TMC1: variants seen among roughly 807,000 people sequenced by gnomAD.
TMC1 encodes the protein transmembrane channel like 1.
TMC1 carries 84 observed loss-of-function variants against 105.8 expected under a neutral mutation model. That is an observed-to-expected ratio of 0.79 (90% confidence interval 0.67 to 0.95). TMC1 has a LOEUF of 0.95. TMC1 is among the 40% of genes least tolerant of loss of function. The pLI is 0.00. For synonymous variants in TMC1, 315 were observed against 311.5 expected, an observed-to-expected ratio of 1.01 and a Z score of -0.12; for missense variants, 817 against 914.1, an observed-to-expected ratio of 0.89 and a Z score of 1.37.
intron 2 of TMC1, among the ~76,000 whole-genome samples, chr9:72,595,872 C>CTT (rs59299971): frequency 5.8e-5 from 7 of 120,996 alleles, no homozygotes; most frequent in Admixed American, 8.4e-5. Flanking sequence ...GATGGGGTTT[C>CTT]TTTTTTTTTT....
At chr9:72,558,846 C>A (rs2132077453) in intron 1 of TMC1, among the ~76,000 whole-genome samples, 1 of 152,254 alleles carries the variant, frequency 6.6e-6, no homozygotes, top group South Asian at 2.1e-4. Flanking sequence ...TGGTACTACT[C>A]TGGAAAATTG....
intron 1 of TMC1, among the ~76,000 whole-genome samples, chr9:72,536,699 G>T (rs1000257112): frequency 6.6e-6 from 1 of 152,208 alleles, no homozygotes; most frequent in African/African-American, 2.4e-5. Flanking sequence ...GGGCATAGTA[G>T]TGTGAGGGGT....
At position 72,805,266 on chromosome 9, in the gene TMC1, C is replaced by T. The variant is rs995853135; in HGVS notation, c.1567-116C>T. The T allele has an allele frequency of 1.1e-5, 11 of 1,000,012 alleles. No individual in the cohort carries two copies. The African/African-American group carries it at 1.8e-4, about 16-fold the overall frequency. 61.9% of individuals were successfully genotyped at this position (1,000,012 alleles called of 1,614,324 possible). A position where few individuals can be genotyped will look rare whatever the true frequency, so the allele number is the denominator to read the frequency against. The stretch of plus-strand genomic sequence containing the variant: ...TATGACTAGTTGTTTTCTTCTTTTG[C>T]CATTAATTGCAGTCTTCAAGCCAAT... On this transcript the variant is annotated intron_variant, in intron 17 of 23. Transcript: ENST00000297784.
chr9:72,572,201 ATT>A (rs531142730), intron 1 of TMC1, among the ~76,000 whole-genome samples: 1 of 134,876 alleles, frequency 7.4e-6, no homozygotes. Flanking sequence ...TTATTTTTTG[ATT>A]TTTTTTTTTT....
intron 2 of TMC1, among the ~76,000 whole-genome samples, chr9:72,600,454 C>T (rs1806883998): frequency 6.6e-6 from 1 of 152,158 alleles, no homozygotes; most frequent in Non-Finnish European, 1.5e-5. Flanking sequence ...TGTGGGCTCT[C>T]CCTCTTTTAG....
chr9:72,595,239 G>T (rs965543409), intron 2 of TMC1, among the ~76,000 whole-genome samples: 3 of 152,038 alleles, frequency 2.0e-5, no homozygotes, highest in African/African-American at 7.2e-5. Flanking sequence ...TATTAATTTT[G>T]GTCAGTTACT....
At chr9:72,709,954 T>C (rs764048089) in intron 8 of TMC1, among the ~76,000 whole-genome samples, 5 of 152,194 alleles carry the variant, frequency 3.3e-5, no homozygotes, top group Non-Finnish European at 7.4e-5. Context: ...TTAGGTTGTC[T>C]ATTTGTGCTC....
At chr9:72,816,107 G>C in intron 18 of TMC1, 36 bp from the exon 19 acceptor site, 1 of 1,601,588 alleles carries the variant, frequency 6.2e-7, no homozygotes, top group Non-Finnish European at 8.6e-7. Flanking sequence ...TTGACCATGT[G>C]AGACGCTAAT....
At chr9:72,774,311 A>T (rs1827975404) in intron 13 of TMC1, among the ~76,000 whole-genome samples, 1 of 152,224 alleles carries the variant, frequency 6.6e-6, no homozygotes, top group Admixed American at 6.5e-5. Context: ...GGTACATTTA[A>T]TTTTAATAAT....
intron 2 of TMC1, among the ~76,000 whole-genome samples, chr9:72,588,110 C>G (rs1824582492): frequency 6.6e-6 from 1 of 151,816 alleles, no homozygotes. Flanking sequence ...TTGTCTTGTA[C>G]CCAGAAAGAG....
chr9:72,625,048 T>C (rs1377596832), intron 3 of TMC1, among the ~76,000 whole-genome samples: 2 of 152,224 alleles, frequency 1.3e-5, no homozygotes, highest in African/African-American at 4.8e-5. Flanking sequence ...CTGAAAATTC[T>C]TTGACACTGT....
chr9:72,721,910 C>T (rs184526015), intron 8 of TMC1, among the ~76,000 whole-genome samples: 112 of 152,296 alleles, frequency 7.4e-4, no homozygotes, highest in Middle Eastern at 3.4e-3. Context: ...TCAAACCCTT[C>T]AATGTCTCCC....
At chr9:72,620,713 T>C (rs1825233420) in intron 3 of TMC1, among the ~76,000 whole-genome samples, 1 of 152,200 alleles carries the variant, frequency 6.6e-6, no homozygotes, top group Non-Finnish European at 1.5e-5. Context: ...GATCTGAAGA[T>C]CTGACCAGTG....
intron 3 of TMC1, among the ~76,000 whole-genome samples, chr9:72,625,862 C>T (rs1437809610): frequency 1.3e-5 from 2 of 152,018 alleles, no homozygotes; most frequent in Non-Finnish European, 1.5e-5. Flanking sequence ...TTATCTTGGT[C>T]GCAGAGTAAC....
intron 20 of TMC1, among the ~76,000 whole-genome samples, chr9:72,823,849 G>A (rs532031102): frequency 6.6e-6 from 1 of 152,214 alleles, no homozygotes; most frequent in South Asian, 2.1e-4. Context: ...ATGTGTTTAT[G>A]CTAGAAAACC....
chr9:72,768,612 A>G (rs1030244505), intron 12 of TMC1, among the ~76,000 whole-genome samples: 7 of 152,086 alleles, frequency 4.6e-5, no homozygotes, highest in African/African-American at 7.2e-5. Flanking sequence ...CCCAACTAGA[A>G]AAACAAAACA....
At chr9:72,807,276 G>C (rs1828621282) in intron 18 of TMC1, among the ~76,000 whole-genome samples, 1 of 152,158 alleles carries the variant, frequency 6.6e-6, no homozygotes, top group Non-Finnish European at 1.5e-5. Flanking sequence ...TGGGGAGAGG[G>C]AGAGGGAGTA....
chr9:72,706,478 G>A (rs1038234340), intron 8 of TMC1, among the ~76,000 whole-genome samples: 9 of 152,154 alleles, frequency 5.9e-5, no homozygotes, highest in Admixed American at 4.6e-4. Flanking sequence ...GGTTACATGA[G>A]TAAGTTCTTC....
At chr9:72,794,428 C>T (rs547818083) in intron 17 of TMC1, among the ~76,000 whole-genome samples, 1 of 152,262 alleles carries the variant, frequency 6.6e-6, no homozygotes, top group Non-Finnish European at 1.5e-5. Flanking sequence ...AGGGGAGCCT[C>T]ACAACCAAGC....
Sources: gnomAD v4.1 joint callset for allele counts (sites outside exome capture counted in the v4.1 genomes callset) on GRCh38, gnomAD v4.1.1 for gene constraint, MANE v1.5 for transcripts, NCBI Gene and HGNC (gene_info 2026-07-23, HGNC 2026-07-21) for gene names.